MAF: variants seen among roughly 807,000 people sequenced by gnomAD.
MAF encodes the protein MAF bZIP transcription factor, also known as transcription factor Maf.
MAF carries 10 observed loss-of-function variants against 22.0 expected under a neutral mutation model. The observed-to-expected ratio is 0.45, with a 90% CI of 0.28 to 0.77. The LOEUF (loss-of-function observed/expected upper bound fraction) is 0.77. MAF is among the 30% of genes least tolerant of loss of function. The pLI, the probability that MAF is intolerant of heterozygous loss-of-function variation, is 0.12. For synonymous variants in MAF, 337 were observed against 255.8 expected (o/e 1.32, Z -3.03); for missense variants, 544 against 548.4 (o/e 0.99, Z 0.08).
the MAF span, among the ~76,000 whole-genome samples, chr16:79,501,179 C>A: frequency 6.6e-6 from 1 of 152,148 alleles, no homozygotes; most frequent in African/African-American, 2.4e-5. Context: ...CTGGTGACTG[C>A]CAGCAAGTCT....
the MAF span, among the ~76,000 whole-genome samples, chr16:79,284,669 T>C: frequency 6.6e-6 from 1 of 152,200 alleles, no homozygotes; most frequent in Non-Finnish European, 1.5e-5. Context: ...GGTTGGGAAG[T>C]TGTTTCAAAC....
At chr16:79,230,442 C>G in the MAF span, among the ~76,000 whole-genome samples, 1 of 152,148 alleles carries the variant, frequency 6.6e-6, no homozygotes, top group Non-Finnish European at 1.5e-5. Flanking sequence ...CCAGCCTAGA[C>G]CCTGCCCTTG....
At chr16:79,559,028 G>A in the MAF span, among the ~76,000 whole-genome samples, 3 of 151,978 alleles carry the variant, frequency 2.0e-5, no homozygotes, top group Non-Finnish European at 2.9e-5. Flanking sequence ...TTTCAATCTC[G>A]CCTGGTGGCT....
At chr16:79,238,937 C>G in the MAF span, among the ~76,000 whole-genome samples, 3 of 151,892 alleles carry the variant, frequency 2.0e-5, no homozygotes, top group Non-Finnish European at 2.9e-5. Context: ...GGGGTAACCA[C>G]CAGGGGAAGT....
chr16:79,459,454 T>A, the MAF span, among the ~76,000 whole-genome samples: 8 of 152,188 alleles, frequency 5.3e-5, no homozygotes. Flanking sequence ...CTTTGTTCAA[T>A]TATCTAGTCC....
chr16:79,512,504 T>C, the MAF span, among the ~76,000 whole-genome samples: 1 of 152,080 alleles, frequency 6.6e-6, no homozygotes. Context: ...TCTCCAGGTG[T>C]CCTATTAGGG....
the MAF span, among the ~76,000 whole-genome samples, chr16:79,379,460 C>T: frequency 5.3e-5 from 8 of 151,790 alleles, no homozygotes; most frequent in Admixed American, 2.6e-4. Flanking sequence ...GGTCAGAGGA[C>T]GTAGGAGCAG....
chr16:79,441,894 C>T, the MAF span, among the ~76,000 whole-genome samples: 1 of 152,082 alleles, frequency 6.6e-6, no homozygotes, highest in Non-Finnish European at 1.5e-5. Context: ...GCCTTAAATC[C>T]GATGACGAGG....
the MAF span, among the ~76,000 whole-genome samples, chr16:79,334,375 C>T: frequency 4.6e-5 from 7 of 152,266 alleles, no homozygotes; most frequent in African/African-American, 9.6e-5. Flanking sequence ...CCCATGTGCG[C>T]GCTGTGCAAG....
the MAF span, among the ~76,000 whole-genome samples, chr16:79,409,551 C>T: frequency 6.6e-6 from 1 of 152,210 alleles, no homozygotes; most frequent in Non-Finnish European, 1.5e-5. Context: ...GCTGGGCTCT[C>T]TTTGCAGGCC....
At chr16:79,467,760 T>A in the MAF span, among the ~76,000 whole-genome samples, 15 of 152,176 alleles carry the variant, frequency 9.9e-5, 1 homozygote. Flanking sequence ...ATGCTCAAGT[T>A]TGTGAACCAC....
At chr16:79,279,750 C>G in the MAF span, among the ~76,000 whole-genome samples, 1 of 152,148 alleles carries the variant, frequency 6.6e-6, no homozygotes. Context: ...GGGATTCATT[C>G]GAGCAGAGCT....
chr16:79,443,163 C>T, the MAF span, among the ~76,000 whole-genome samples: 1 of 152,120 alleles, frequency 6.6e-6, no homozygotes, highest in Non-Finnish European at 1.5e-5. Context: ...GATGCTTGGT[C>T]TCCTGCCTCT....
chr16:79,472,370 G>A, the MAF span, among the ~76,000 whole-genome samples: 38 of 152,180 alleles, frequency 2.5e-4, no homozygotes, highest in Admixed American at 1.2e-3. Flanking sequence ...GAAATATCCC[G>A]AATGTCCATC....
At chr16:79,579,722 A>T in the MAF span, among the ~76,000 whole-genome samples, 1 of 152,204 alleles carries the variant, frequency 6.6e-6, no homozygotes, top group Non-Finnish European at 1.5e-5. Flanking sequence ...ACTCCTGACA[A>T]ATTCACAATG....
chr16:79,452,665 A>G, the MAF span, among the ~76,000 whole-genome samples: 1 of 152,172 alleles, frequency 6.6e-6, no homozygotes, highest in African/African-American at 2.4e-5. Flanking sequence ...TTGGGCACCT[A>G]GATTCCATTT....
the MAF span, among the ~76,000 whole-genome samples, chr16:79,261,341 C>T: frequency 9.6e-6 from 1 of 103,828 alleles, no homozygotes; most frequent in African/African-American, 2.9e-5. Flanking sequence ...TTACTAGAGA[C>T]CGGGTTTCAC....
chr16:79,466,884 A>T, the MAF span, among the ~76,000 whole-genome samples: 1 of 152,166 alleles, frequency 6.6e-6, no homozygotes. Flanking sequence ...ATGGACACGG[A>T]TCTGTGGCTT....
the MAF span, among the ~76,000 whole-genome samples, chr16:79,444,174 A>T: frequency 6.6e-6 from 1 of 152,108 alleles, no homozygotes; most frequent in South Asian, 2.1e-4. Flanking sequence ...TTCCTCTATT[A>T]TTATCATTTA....
Sources: allele counts gnomAD v4.1 joint callset (sites outside exome capture counted in the v4.1 genomes callset), GRCh38; gene constraint gnomAD v4.1.1; transcripts MANE v1.5; gene names NCBI Gene and HGNC (gene_info 2026-07-23, HGNC 2026-07-21).